ADGRL3: variants seen among roughly 807,000 people sequenced by gnomAD.
ADGRL3 encodes the protein calcium-independent alpha-latrotoxin receptor 3.
ADGRL3 carries 62 observed loss-of-function variants against 153.5 expected under a neutral mutation model. The ratio of observed to expected loss-of-function variants is 0.40; its 90% confidence interval spans 0.33 to 0.50. ADGRL3 has a LOEUF of 0.50. ADGRL3 is among the 20% of genes least tolerant of loss of function. The pLI, the probability that ADGRL3 is intolerant of heterozygous loss-of-function variation, is 0.47. For missense variants in ADGRL3, 1,641 were observed against 1,859.4 expected (o/e 0.88, Z 2.16); for synonymous variants, 710 against 672.5 (o/e 1.06, Z -0.86).
intron 1 of ADGRL3, among the ~76,000 whole-genome samples, chr4:61,352,447 G>T (rs369577640): frequency 3.3e-5 from 5 of 151,414 alleles, no homozygotes; most frequent in East Asian, 3.9e-4. Context: ...GGAGTGCAGT[G>T]GTGCGATCTC....
intron 6 of ADGRL3, among the ~76,000 whole-genome samples, chr4:61,725,605 A>C (rs966686367): frequency 5.9e-5 from 7 of 119,246 alleles, no homozygotes; most frequent in African/African-American, 2.2e-4. Context: ...AAAAAAAAAA[A>C]ACCAAAAAAA....
In ADGRL3 at chr4:62,013,051, G is replaced by A. The variant is rs192979634; in HGVS notation, c.3395+14786G>A. ...AGCTGTACAAGAAATTGACAGGTTTGGACAGTGCAAACATTTGCGACTGTC... is the reference window on the plus strand; with the variant it reads ...AGCTGTACAAGAAATTGACAGGTTTAGACAGTGCAAACATTTGCGACTGTC... On this transcript the variant is annotated intron_variant, in intron 21 of 26. Transcript: ENST00000683033. 2.0e-3 allele frequency among the ~76,000 whole-genome samples: 310 copies of A among 152,218 alleles called. 2 individuals are homozygous for A. Among genetic ancestry groups the A allele is most frequent in the African/African-American group, 7.2e-3 (301 of 41,524 alleles).
rs887451264 is a variant in ADGRL3 at position 61,722,609 on chromosome 4, GAAAC to G, written c.584-8009_584-8006del. On this transcript the variant is annotated intron_variant, in intron 6 of 26. Transcript: ENST00000683033. ...TAGTACAAATATGATTTCTAGAACT[GAAAC>G]AAAAAATAAAATTAATTGTAGAATT... Among the ~76,000 whole-genome samples, 6 of 152,090 alleles carry G rather than the reference GAAAC, an allele frequency of 3.9e-5. No individual in the cohort carries two copies. In the South Asian group the frequency reaches 8.3e-4, roughly 21 times the overall value.
At chr4:61,952,281 A>G (rs546605824) in intron 17 of ADGRL3, among the ~76,000 whole-genome samples, 1 of 152,054 alleles carries the variant, frequency 6.6e-6, no homozygotes, top group Non-Finnish European at 1.5e-5. Flanking sequence ...GTTCAAGACC[A>G]GCCTGGGCAA....
intron 2 of ADGRL3, among the ~76,000 whole-genome samples, chr4:61,405,350 T>C (rs1356177961): frequency 1.3e-5 from 2 of 152,072 alleles, no homozygotes; most frequent in Non-Finnish European, 2.9e-5. Flanking sequence ...AGGACACAGT[T>C]CTGTAACAGG....
intron 1 of ADGRL3, among the ~76,000 whole-genome samples, chr4:61,272,007 C>T (rs2093211034): frequency 6.6e-6 from 1 of 151,904 alleles, no homozygotes; most frequent in Non-Finnish European, 1.5e-5. Flanking sequence ...GATGAAAATA[C>T]ATTGTTTTTT....
chr4:61,770,274 T>C (rs1364951876), intron 8 of ADGRL3, among the ~76,000 whole-genome samples: 4 of 152,206 alleles, frequency 2.6e-5, no homozygotes, highest in Non-Finnish European at 5.9e-5. Flanking sequence ...TTCTGGAAGT[T>C]GTGGACTAAA....
At chr4:61,397,244 T>A (rs2096879006) in intron 2 of ADGRL3, among the ~76,000 whole-genome samples, 1 of 151,924 alleles carries the variant, frequency 6.6e-6, no homozygotes, top group South Asian at 2.1e-4. Flanking sequence ...ACCTTTTCAC[T>A]TTTTCTCCTC....
rs1189624096 is a variant in ADGRL3, at chr4:62,076,459, G to A, written c.*5551G>A. On this transcript the variant is annotated 3_prime_UTR_variant, in exon 27 of 27. Transcript: ENST00000683033. ...TCTCTTCAACCACAATATGAACAAC[G>A]GAAGAGCAGAAACCAAACAAGTTAG... 1.3e-5 allele frequency: 2 copies of A among 151,994 alleles called. No individual in the cohort carries two copies. The highest frequency in any genetic ancestry group is 2.9e-5 in the Non-Finnish European group (2 of 67,942). 9.4% of individuals were successfully genotyped at this position (151,994 alleles called of 1,614,324 possible). A position where few individuals can be genotyped will look rare whatever the true frequency, so the allele number is the denominator to read the frequency against.
intron 1 of ADGRL3, among the ~76,000 whole-genome samples, chr4:61,350,834 C>A (rs189908074): frequency 2.1e-3 from 322 of 152,220 alleles, no homozygotes; most frequent in African/African-American, 7.3e-3. Context: ...ATCTGTCTCC[C>A]TTCTTTTCCC....
intron 24 of ADGRL3, among the ~76,000 whole-genome samples, chr4:62,040,889 A>T (rs1727909708): frequency 6.6e-6 from 1 of 152,072 alleles, no homozygotes. Context: ...CAAGATTCTA[A>T]ATGAAAGGAG....
chr4:61,422,341 A>G (rs922010189), intron 2 of ADGRL3, among the ~76,000 whole-genome samples: 6 of 152,312 alleles, frequency 3.9e-5, no homozygotes, highest in African/African-American at 1.4e-4. Context: ...GTTTTTTTCT[A>G]AGAAGTAAAC....
intron 5 of ADGRL3, among the ~76,000 whole-genome samples, chr4:61,642,154 T>A (rs1040287117): frequency 4.8e-4 from 72 of 149,226 alleles, no homozygotes; most frequent in Non-Finnish European, 8.2e-4. Context: ...TTCTTGTAAA[T>A]TTGTTTGAGT....
intron 3 of ADGRL3, among the ~76,000 whole-genome samples, chr4:61,507,154 A>G (rs2098435988): frequency 6.6e-6 from 1 of 152,112 alleles, no homozygotes; most frequent in African/African-American, 2.4e-5. Context: ...TCCTTTTGAT[A>G]GGGAACTTGG....
intron 15 of ADGRL3, among the ~76,000 whole-genome samples, chr4:61,945,645 G>A (rs1300759302): frequency 3.5e-5 from 5 of 141,882 alleles, no homozygotes; most frequent in African/African-American, 1.1e-4. Flanking sequence ...GTGGTGCGCC[G>A]TTTCTTAAGC....
At chr4:61,890,637 G>C (rs1333467454) in intron 9 of ADGRL3, among the ~76,000 whole-genome samples, 1 of 152,178 alleles carries the variant, frequency 6.6e-6, no homozygotes, top group East Asian at 1.9e-4. Context: ...CCATTCACGA[G>C]GGCAGAGCCC....
chr4:61,954,257 C>T (rs2098957985), intron 17 of ADGRL3, among the ~76,000 whole-genome samples: 1 of 152,052 alleles, frequency 6.6e-6, no homozygotes, highest in African/African-American at 2.4e-5. Flanking sequence ...ATTCATACTG[C>T]ACACTCAATC....
At chr4:61,749,367 C>A (rs7699533) in intron 8 of ADGRL3, among the ~76,000 whole-genome samples, 67,541 of 151,876 alleles carry the variant, frequency 0.44, 15,361 homozygotes, top group East Asian at 0.64. Flanking sequence ...TGGGTATATA[C>A]CCAAAGGACT....
chr4:61,963,295 T>C (rs1322340791), intron 17 of ADGRL3, among the ~76,000 whole-genome samples: 1 of 151,952 alleles, frequency 6.6e-6, no homozygotes, highest in African/African-American at 2.4e-5. Context: ...AGGGGATACA[T>C]GTGCAGGTTT....
Sources: allele counts gnomAD v4.1 joint callset (sites outside exome capture counted in the v4.1 genomes callset), GRCh38; gene constraint gnomAD v4.1.1; transcripts MANE v1.5; gene names NCBI Gene and HGNC (gene_info 2026-07-23, HGNC 2026-07-21).